The following JOSD1 variants were observed in gnomAD, a reference collection of about 807,000 sequenced individuals.
JOSD1 encodes the protein Josephin domain containing 1, also known as josephin-1.
A neutral mutation model predicts 24.3 loss-of-function variants in JOSD1; 11 were observed. The ratio of observed to expected loss-of-function variants is 0.45; its 90% CI spans 0.29 to 0.75. The LOEUF (loss-of-function observed/expected upper bound fraction) is 0.75, where lower values mean the gene tolerates loss of function less well. Among genes scored for constraint, JOSD1 ranks in the 30% least tolerant of loss-of-function variants. The pLI is 0.11. For missense variants in JOSD1, 184 were observed against 253.5 expected (o/e 0.73, Z 1.86); for synonymous variants, 106 against 93.8 (o/e 1.13, Z -0.75).
chr22:38,692,698 T>C (rs1363117886), intron 2 of JOSD1, among the ~76,000 whole-genome samples: 1 of 148,534 alleles, frequency 6.7e-6, no homozygotes, highest in Non-Finnish European at 1.5e-5. Context: ...GGAGGATCGC[T>C]TGAACCCGGG....
intron 2 of JOSD1, among the ~76,000 whole-genome samples, chr22:38,693,820 G>A (rs1456219726): frequency 1.3e-5 from 2 of 152,108 alleles, no homozygotes; most frequent in Non-Finnish European, 2.9e-5. Flanking sequence ...TGGATCCTCT[G>A]TAAAAAAGGG....
intron 4 of JOSD1, among the ~76,000 whole-genome samples, 163 bp downstream of exon 4, chr22:38,688,772 G>T (rs1164554580): frequency 6.6e-6 from 1 of 152,190 alleles, no homozygotes; most frequent in African/African-American, 2.4e-5. Context: ...ATGCGCCATT[G>T]AAGATTAAGG....
chr22:38,700,143 T>A lies in JOSD1; in HGVS notation c.-156A>T. The stretch of plus-strand genomic sequence containing the variant: ...TTGTCACTGGGAGAAAAGATTGGAA[T>A]CAAAAGGAAAAAAATAAAACCCACC... On this transcript the variant is annotated 5_prime_UTR_variant, in exon 2 of 5. Coordinates refer to ENST00000683374, the MANE Select transcript of JOSD1 (RefSeq NM_001360236.2). The A allele has an allele frequency of 7.5e-7, 1 of 1,338,106 alleles. No individual in the cohort carries two copies. The highest frequency in any genetic ancestry group is 1.5e-5 in the African/African-American group (1 of 65,750). 82.9% of individuals were successfully genotyped at this position (1,338,106 alleles called of 1,614,324 possible).
chr22:38,697,133 T>C (rs1429821317), intron 2 of JOSD1, among the ~76,000 whole-genome samples: 1 of 152,238 alleles, frequency 6.6e-6, no homozygotes. Context: ...GTTTTCTCTA[T>C]GGTGCCTCAT....
chr22:38,699,369 T>A (rs1295200952), intron 2 of JOSD1, among the ~76,000 whole-genome samples: 1 of 152,182 alleles, frequency 6.6e-6, no homozygotes, highest in African/African-American at 2.4e-5. Flanking sequence ...TGACTGAACG[T>A]GTACGTATCT....
In JOSD1 at chr22:38,694,255, A is replaced by G. The variant is rs576012913; in HGVS notation, c.186-4831T>C. Among the ~76,000 whole-genome samples the G allele has an allele frequency of 2.0e-5, 3 of 152,334 alleles. No individual in the cohort carries two copies. In the South Asian group the frequency reaches 6.2e-4, roughly 32 times the overall value. The stretch of plus-strand genomic sequence containing the variant: ...TCACTTCCAGCCATCTTGAGATACC[A>G]TAAACATGGAAGCTGAGGTGCAAAG... On this transcript the variant is annotated intron_variant, in intron 2 of 4. Transcript: ENST00000683374.
chr22:38,689,182 C>T, intron 3 of JOSD1, 53 bp from the exon 4 acceptor site: 4 of 1,602,006 alleles, frequency 2.5e-6, no homozygotes, highest in Non-Finnish European at 3.4e-6. Flanking sequence ...TCCAAGGTTC[C>T]CTGGCTGTAA....
intron 3 of JOSD1, 80 bp from the exon 4 acceptor site, chr22:38,689,209 C>A: frequency 6.2e-7 from 1 of 1,602,288 alleles, no homozygotes; most frequent in African/African-American, 1.3e-5. Flanking sequence ...AACTGGCTAC[C>A]TCCCCACTCA....
intron 2 of JOSD1, 125 bp from the exon 3 acceptor site, chr22:38,689,549 G>T: frequency 8.0e-7 from 1 of 1,250,752 alleles, no homozygotes; most frequent in Non-Finnish European, 1.1e-6. Flanking sequence ...ACATTCAAGT[G>T]CAATTTCCCC....
At chr22:38,699,713 G>T in intron 2 of JOSD1, 90 bp downstream of exon 2, 1 of 1,243,288 alleles carries the variant, frequency 8.0e-7, no homozygotes, top group Non-Finnish European at 1.2e-6. Context: ...AATACCTACA[G>T]CTTTGAAGGT....
chr22:38,689,076 G>C lies in JOSD1; in HGVS notation c.368C>G (p.Pro123Arg). ...TNVMGFIMNL[P>R]SSLCWGPLKL... ...CAGTGGACCCCAGCATAGGCTGGAG[G>C]GCAGATTCATGATGAAGCCCATGAC... The change falls in exon 4 of 5, where the codon CCC becomes CGC. Residue 123 changes from proline (P) to arginine (R), a missense_variant. By Grantham distance (103) the Pro-to-Arg change is moderately radical. Transcript: ENST00000683374. The C allele has an allele frequency of 6.2e-7, 1 of 1,614,192 alleles. No individual in the cohort carries two copies. The highest frequency in any genetic ancestry group is 8.5e-7 in the Non-Finnish European group (1 of 1,180,042).
rs186240956 is a variant in JOSD1 at position 38,699,764 on chromosome 22, A to T, written c.185+39T>A. The T allele has an allele frequency of 4.7e-5, 75 of 1,592,166 alleles. No individual in the cohort carries two copies. In the African/African-American group the frequency reaches 8.5e-4, roughly 18 times the overall value. On this transcript the variant is annotated intron_variant, in intron 2 of 4. Coordinates refer to ENST00000683374, the MANE Select transcript of JOSD1 (RefSeq NM_001360236.2). ...ACTGCCCCACCCACAGAAATCCAGA[A>T]ATATCAGTATCAAGATGCCAAGGAG...
Position 38,699,954 on chromosome 22 carries a change from T to G in JOSD1, c.34A>C (p.Lys12Gln). Residue 12 changes from lysine (K) to glutamine (Q), a missense_variant, in exon 2 of 5, where the codon AAA becomes CAA. By Grantham distance (53) the Lys-to-Gln change is moderately conservative. Transcript: ENST00000683374. ...SCVPWKGDKA[K>Q]SESLELPQAA... is the part of the protein sequence containing the mutation. Reference sequence around the variant, plus strand: ...TGGGGCAGCTCCAATGATTCAGATTTGGCCTTGTCTCCTTTCCATGGCACA... The same window carrying G: ...TGGGGCAGCTCCAATGATTCAGATTGGGCCTTGTCTCCTTTCCATGGCACA... 6.2e-7 allele frequency: 1 copy of G among 1,611,718 alleles called. No individual in the cohort carries two copies. The highest frequency in any genetic ancestry group is 8.5e-7 in the Non-Finnish European group (1 of 1,178,708).
chr22:38,694,852 A>T (rs2092537984), intron 2 of JOSD1, among the ~76,000 whole-genome samples: 1 of 140,276 alleles, frequency 7.1e-6, no homozygotes, highest in African/African-American at 2.7e-5. Context: ...AGAGAGCGAG[A>T]GACTCAGTCT....
chr22:38,689,419 G>A lies in JOSD1; in HGVS notation c.191C>T (p.Ser64Phe). 6.2e-7 allele frequency: 1 copy of A among 1,614,188 alleles called. No homozygotes were observed. The highest frequency in any genetic ancestry group is 8.5e-7 in the Non-Finnish European group (1 of 1,180,036). ...GTGAGGTGTCACCATGGTGTTTGGA[G>A]ACAACCTACCAATGTGAAAAGAGGA... The part of the protein sequence containing the change: ...DTLQEIFQRL[S>F]PNTMVTPHKK... The change falls in exon 3 of 5, where the codon TCT (serine) becomes TTT (phenylalanine). Residue 64 changes from serine (S) to phenylalanine (F), a missense_variant. Transcript: ENST00000683374.
chr22:38,686,731 C>T lies in JOSD1; in HGVS notation c.*1171G>A, dbSNP rs1404890419. The T allele has an allele frequency of 6.6e-6, 1 of 152,208 alleles. No homozygotes were observed. The highest frequency in any genetic ancestry group is 1.5e-5 in the Non-Finnish European group (1 of 68,054). The allele number at this position is 152,208 out of a possible 1,614,324, so 9.4% of individuals were successfully genotyped here. ...AGTGTCTACTGAATTGTGGCTGCCCCTACTCCAAGAAGCCTGTCTTCACAA... is the reference window on the plus strand; with the variant it reads ...AGTGTCTACTGAATTGTGGCTGCCCTTACTCCAAGAAGCCTGTCTTCACAA... On this transcript the variant is annotated 3_prime_UTR_variant, in exon 5 of 5. Transcript: ENST00000683374.
rs201343384 is a variant in JOSD1, at chr22:38,689,147, T to A, written c.315-18A>T. ...CGACATCCCTGCAGGGGAGAAATGG[T>A]GGCAGGCTCTGATGCAGCCCATTTT... On this transcript the variant is annotated intron_variant, in intron 3 of 4. Transcript: ENST00000683374. 8.4e-4 allele frequency: 1,351 copies of A among 1,608,190 alleles called. 1 individual carries two copies. Among genetic ancestry groups the A allele is most frequent in the Non-Finnish European group, 1.0e-3 (1,224 of 1,175,668 alleles).
Position 38,687,848 on chromosome 22 carries a change from G to A in JOSD1, c.*54C>T. On this transcript the variant is annotated 3_prime_UTR_variant, in exon 5 of 5. Transcript: ENST00000683374. The stretch of plus-strand genomic sequence containing the variant: ...GGGCAGACCCACTGTAGAGGCCACA[G>A]CACGTCACAGAGGACTGAAGGGGCT... The A allele has an allele frequency of 8.1e-7, 1 of 1,235,200 alleles. No homozygotes were observed. Among genetic ancestry groups the A allele is most frequent in the East Asian group, 2.3e-5 (1 of 43,136 alleles). The allele number at this position is 1,235,200 out of a possible 1,614,324, so 76.5% of individuals were successfully genotyped here. A position where few individuals can be genotyped will look rare whatever the true frequency, so the allele number is the denominator to read the frequency against.
At chr22:38,691,821 G>A (rs2092523621) in intron 2 of JOSD1, among the ~76,000 whole-genome samples, 1 of 151,986 alleles carries the variant, frequency 6.6e-6, no homozygotes, top group Non-Finnish European at 1.5e-5. Context: ...TCAACCTTTT[G>A]ATTTAATTAC....
Sources: allele counts gnomAD v4.1 joint callset (sites outside exome capture counted in the v4.1 genomes callset), GRCh38; gene constraint gnomAD v4.1.1; transcripts MANE v1.5; gene names NCBI Gene and HGNC (gene_info 2026-07-23, HGNC 2026-07-21).